The following HSDL1 variants were observed in gnomAD, a reference collection of about 807,000 sequenced individuals.
HSDL1 encodes the protein inactive hydroxysteroid dehydrogenase-like protein 1.
In HSDL1, 29 loss-of-function variants were observed where a neutral mutation model predicts 31.5. The ratio of observed to expected loss-of-function variants is 0.92; its 90% confidence interval spans 0.69 to 1.26. The LOEUF is 1.26. Ranked by LOEUF, HSDL1 falls within the 50% of genes most tolerant of loss-of-function variation. HSDL1 has a pLI of 0.00. For missense variants in HSDL1, 503 were observed against 416.6 expected, an observed-to-expected ratio of 1.21 and a Z score of -1.81; for synonymous variants, 222 against 155.2, an observed-to-expected ratio of 1.43 and a Z score of -3.20.
intron 5 of HSDL1, among the ~76,000 whole-genome samples, chr16:84,127,001 T>A (rs2086614269): frequency 6.6e-6 from 1 of 152,162 alleles, no homozygotes; most frequent in Non-Finnish European, 1.5e-5. Context: ...GGAAAGTTTA[T>A]CAATGTGAAC....
At chr16:84,133,361 GAA>G (rs1319514723) in intron 2 of HSDL1, among the ~76,000 whole-genome samples, 1 of 152,152 alleles carries the variant, frequency 6.6e-6, no homozygotes, top group Non-Finnish European at 1.5e-5. Flanking sequence ...CTCTAAAAAA[GAA>G]AGTTTCATAC....
intron 1 of HSDL1, among the ~76,000 whole-genome samples, chr16:84,141,254 G>A (rs2086766862): frequency 2.0e-5 from 3 of 152,032 alleles, no homozygotes; most frequent in African/African-American, 4.8e-5. Flanking sequence ...CTCGGCAGCT[G>A]CACAGTATCT....
intron 1 of HSDL1, among the ~76,000 whole-genome samples, chr16:84,136,929 A>G (rs1343489583): frequency 6.6e-6 from 1 of 152,210 alleles, no homozygotes; most frequent in Non-Finnish European, 1.5e-5. Flanking sequence ...AACCCACAGA[A>G]GACTGATACA....
chr16:84,140,326 G>A (rs559190901), intron 1 of HSDL1, among the ~76,000 whole-genome samples: 1 of 152,282 alleles, frequency 6.6e-6, no homozygotes, highest in East Asian at 1.9e-4. Flanking sequence ...GTGCAATGGT[G>A]CAATTTCTGC....
rs2086577266 is a variant in HSDL1 at position 84,123,808 on chromosome 16, T to TG, written c.*821dup. On this transcript the variant is annotated 3_prime_UTR_variant, in exon 6 of 6. Coordinates refer to ENST00000219439, the MANE Select transcript of HSDL1 (RefSeq NM_031463.5). ...AAGAATTGCCTTATAAATCAAAAGA[T>TG]GACTGCAGGTTTCTCTTACATATCC... The TG allele has an allele frequency of 6.6e-6, 1 of 152,308 alleles. No individual in the cohort carries two copies. Among genetic ancestry groups the TG allele is most frequent in the Non-Finnish European group, 1.5e-5 (1 of 68,028 alleles). The allele number at this position is 152,308 out of a possible 1,614,324, so 9.4% of individuals were successfully genotyped here.
At chr16:84,138,721 C>G (rs1232861754) in intron 1 of HSDL1, among the ~76,000 whole-genome samples, 1 of 152,132 alleles carries the variant, frequency 6.6e-6, no homozygotes, top group Non-Finnish European at 1.5e-5. Context: ...CAACTGTCCC[C>G]AAACTAGGAA....
At position 84,122,810 on chromosome 16, in the gene HSDL1, T is replaced by C. The variant is rs1270999477; in HGVS notation, c.*1820A>G. ...AGCTATGGACAGCTCGGCACCACAT[T>C]TGCACCAATCAGCATGTTTGCCCAT... On this transcript the variant is annotated 3_prime_UTR_variant, in exon 6 of 6. Coordinates refer to ENST00000219439, the MANE Select transcript of HSDL1 (RefSeq NM_031463.5). The C allele has an allele frequency of 6.6e-6, 1 of 152,206 alleles. No homozygotes were observed. The highest frequency in any genetic ancestry group is 1.5e-5 in the Non-Finnish European group (1 of 68,038). 9.4% of individuals were successfully genotyped at this position (152,206 alleles called of 1,614,324 possible). A position where few individuals can be genotyped will look rare whatever the true frequency, so the allele number is the denominator to read the frequency against.
chr16:84,144,075 T>TCC (rs2086806487), intron 1 of HSDL1, among the ~76,000 whole-genome samples: 3 of 70,486 alleles, frequency 4.3e-5, no homozygotes, highest in African/African-American at 1.1e-4. Context: ...CCTCCCTCCC[T>TCC]CTCTCTCTCT....
chr16:84,143,457 G>C (rs1288639588), intron 1 of HSDL1, among the ~76,000 whole-genome samples: 1 of 152,122 alleles, frequency 6.6e-6, no homozygotes, highest in Non-Finnish European at 1.5e-5. Context: ...GGAGAAAAGA[G>C]GTATGACTGT....
rs774082978 is a variant in HSDL1, at chr16:84,124,649, G to C, written c.974C>G (p.Ala325Gly). ...NILNRSLRKE[A>G]LSCTA ...CCAGACTCAGGCTGTGCAGGATAAG[G>C]CTTCCTTACGTAGTGAACGGTTGAG... Residue 325 changes from alanine to glycine, a missense_variant, in exon 6 of 6, where the codon GCC (alanine) becomes GGC (glycine). Transcript: ENST00000219439. 11 of 1,612,890 alleles carry C rather than the reference G, an allele frequency of 6.8e-6. No individual in the cohort carries two copies. The highest frequency in any genetic ancestry group is 1.3e-5 in the African/African-American group (1 of 74,912).
chr16:84,122,309 T>A lies in HSDL1; in HGVS notation c.*2321A>T, dbSNP rs948782296. Reference sequence around the variant, plus strand: ...CAAAGGAAACAAACAACTACTTTTATTGTTAAACTTTCAATTCACAGATTA... The same window carrying A: ...CAAAGGAAACAAACAACTACTTTTAATGTTAAACTTTCAATTCACAGATTA... On this transcript the variant is annotated 3_prime_UTR_variant, in exon 6 of 6. Coordinates refer to ENST00000219439, the MANE Select transcript of HSDL1 (RefSeq NM_031463.5). The A allele has an allele frequency of 5.2e-5, 8 of 152,618 alleles. No individual in the cohort carries two copies. The highest frequency in any genetic ancestry group is 1.3e-4 in the Admixed American group (2 of 15,274). The allele number at this position is 152,618 out of a possible 1,614,324, so 9.5% of individuals were successfully genotyped here. A position where few individuals can be genotyped will look rare whatever the true frequency, so the allele number is the denominator to read the frequency against.
intron 1 of HSDL1, among the ~76,000 whole-genome samples, chr16:84,143,350 A>G (rs2086787477): frequency 6.6e-6 from 1 of 152,236 alleles, no homozygotes; most frequent in Non-Finnish European, 1.5e-5. Context: ...AACCAAATAC[A>G]AAAGGCCGTA....
intron 1 of HSDL1, chr16:84,139,443 CG>C (rs1355724712): frequency 6.5e-6 from 1 of 152,960 alleles, no homozygotes; most frequent in Non-Finnish European, 1.5e-5. Context: ...CAGTGAAGGA[CG>C]GGGGGTGGCC....
chr16:84,131,551 G>A (rs998562856), intron 2 of HSDL1, among the ~76,000 whole-genome samples: 5 of 151,768 alleles, frequency 3.3e-5, no homozygotes, highest in African/African-American at 9.7e-5. Flanking sequence ...GTCTCACCCT[G>A]TCGCCCAGGC....
At position 84,131,313 on chromosome 16, in the gene HSDL1, A is replaced by G. The variant is rs139951395; in HGVS notation, c.9T>C (p.Ala3=). ...TGTACAAGAGGTAGAAACTGTCAACAGCAGCCATGGCAACCTGCAGGGAGA... is the reference window on the plus strand; with the variant it reads ...TGTACAAGAGGTAGAAACTGTCAACGGCAGCCATGGCAACCTGCAGGGAGA... MA[A]VDSFYLLYRE... is the part of the protein sequence containing the mutation. The change falls in exon 3 of 6, where the codon GCT becomes GCC. Residue 3 remains alanine (A), a synonymous_variant. Coordinates refer to ENST00000219439, the MANE Select transcript of HSDL1 (RefSeq NM_031463.5). The G allele has an allele frequency of 1.9e-6, 3 of 1,613,320 alleles. No individual in the cohort carries two copies. Among genetic ancestry groups the G allele is most frequent in the Non-Finnish European group, 2.5e-6 (3 of 1,179,526 alleles).
intron 4 of HSDL1, 31 bp downstream of exon 4, chr16:84,129,955 G>C (rs868113673): frequency 6.9e-6 from 11 of 1,592,212 alleles, no homozygotes; most frequent in Non-Finnish European, 9.4e-6. Flanking sequence ...TGTGGCATTA[G>C]GATTTCATCT....
In HSDL1 at chr16:84,129,789, G is replaced by C. The variant is rs750055804; in HGVS notation, c.667-14C>G. ...GTCTAAATAAGCCTGTTGAGACAGA[G>C]GGGAGGAAAAGACTTTTAATTCTGG... On this transcript the variant is annotated splice_polypyrimidine_tract_variant and intron_variant, in intron 4 of 5. Coordinates refer to ENST00000219439, the MANE Select transcript of HSDL1 (RefSeq NM_031463.5). 4 of 1,589,918 alleles carry C rather than the reference G, an allele frequency of 2.5e-6. No individual in the cohort carries two copies. The highest frequency in any genetic ancestry group is 4.5e-5 in the East Asian group (2 of 44,710).
intron 2 of HSDL1, among the ~76,000 whole-genome samples, chr16:84,132,268 G>C (rs1488402048): frequency 6.6e-6 from 1 of 152,166 alleles, no homozygotes; most frequent in Non-Finnish European, 1.5e-5. Context: ...TACCTGTGTA[G>C]GGACAAAGGA....
rs1287587305 is a variant in HSDL1 at position 84,124,693 on chromosome 16, C to T, written c.930G>A (p.Trp310Ter). Residue 310 changes from tryptophan to a stop codon, truncating the protein, a stop_gained, in exon 6 of 6, where the codon TGG becomes TGA. Transcript: ENST00000219439. LOFTEE classifies it high-confidence loss of function. Reference protein sequence around the residue: ...LFAQYMPEWLWVWGANILNRS... With the variant: ...LFAQYMPEWL Reference sequence around the variant, plus strand: ...GGTTGAGAATATTTGCTCCCCACACCCAGAGCCATTCAGGCATATACTGTG... The same window carrying T: ...GGTTGAGAATATTTGCTCCCCACACTCAGAGCCATTCAGGCATATACTGTG... The T allele has an allele frequency of 1.2e-6, 2 of 1,613,806 alleles. No individual in the cohort carries two copies. The highest frequency in any genetic ancestry group is 1.1e-5 in the South Asian group (1 of 91,080).
Sources: gnomAD v4.1 joint callset for allele counts (sites outside exome capture counted in the v4.1 genomes callset) on GRCh38, gnomAD v4.1.1 for gene constraint, MANE v1.5 for transcripts, NCBI Gene and HGNC (gene_info 2026-07-23, HGNC 2026-07-21) for gene names.